The following DDAH1 variants were observed in gnomAD, a reference collection of about 807,000 sequenced individuals.
DDAH1 encodes dimethylarginine dimethylaminohydrolase 1.
A neutral mutation model predicts 28.8 loss-of-function variants in DDAH1; 19 were observed. The ratio of observed to expected loss-of-function variants is 0.66; its 90% CI spans 0.46 to 0.97. The LOEUF is 0.97. Among genes scored for constraint, DDAH1 ranks in the 50% least tolerant of loss-of-function variants. DDAH1 has a pLI of 0.00. For synonymous variants in DDAH1, 153 were observed against 154.4 expected (o/e 0.99, Z 0.07); for missense variants, 326 against 375.9 (o/e 0.87, Z 1.10).
At chr1:85,342,433 A>G (rs1179014202) in intron 4 of DDAH1, among the ~76,000 whole-genome samples, 2 of 151,750 alleles carry the variant, frequency 1.3e-5, no homozygotes, top group African/African-American at 4.8e-5. Context: ...AGGTATGGGA[A>G]TATGAGTCAA....
At chr1:85,465,232 G>T, upstream of DDAH1, 1 of 1,105,906 alleles carries the variant, frequency 9.0e-7, no homozygotes, top group Non-Finnish European at 1.1e-6. Context: ...TCCGGGCGCC[G>T]GCCCGCGCGC....
chr1:85,436,899 A>G (rs570422055), intron 1 of DDAH1, among the ~76,000 whole-genome samples: 11 of 152,228 alleles, frequency 7.2e-5, no homozygotes, highest in Non-Finnish European at 1.5e-4. Flanking sequence ...ACACTACTCA[A>G]GCAAGGTTCA....
chr1:85,451,508 G>A (rs1654668941), intron 1 of DDAH1, among the ~76,000 whole-genome samples: 1 of 152,138 alleles, frequency 6.6e-6, no homozygotes, highest in Non-Finnish European at 1.5e-5. Flanking sequence ...TGCTGTACTT[G>A]CTCAAGGCCA....
intron 2 of DDAH1, among the ~76,000 whole-genome samples, chr1:85,487,845 G>A (rs1234000318): frequency 6.6e-6 from 1 of 151,878 alleles, no homozygotes; most frequent in Non-Finnish European, 1.5e-5. Context: ...GTACACATTG[G>A]CACTTTGCAG....
chr1:85,514,703 T>C (rs1253710762), intron 1 of DDAH1, among the ~76,000 whole-genome samples: 1 of 151,798 alleles, frequency 6.6e-6, no homozygotes, highest in Non-Finnish European at 1.5e-5. Flanking sequence ...TTCAATGTTT[T>C]GCAATCAATA....
chr1:85,533,724 C>T lies in DDAH1; in HGVS notation c.-122-37443G>A, dbSNP rs1658172045. On this transcript the variant is annotated intron_variant, in intron 1 of 6. Coordinates refer to the DDAH1 transcript ENST00000426972. ...CACTAATTAGATATGTGACCTAGTGCAAGATACCTATTCTGCCCTACTTGG... is the reference window on the plus strand; with the variant it reads ...CACTAATTAGATATGTGACCTAGTGTAAGATACCTATTCTGCCCTACTTGG... Among the ~76,000 whole-genome samples the T allele has an allele frequency of 4.6e-5, 7 of 152,156 alleles. No homozygotes were observed. In the South Asian group the frequency reaches 1.5e-3, roughly 32 times the overall value.
chr1:85,363,098 T>C (rs1238255694), intron 1 of DDAH1, among the ~76,000 whole-genome samples: 8 of 152,264 alleles, frequency 5.3e-5, no homozygotes, highest in African/African-American at 7.2e-5. Flanking sequence ...TATTTTCCAG[T>C]TGACCCTTTC....
intron 1 of DDAH1, among the ~76,000 whole-genome samples, chr1:85,539,352 G>T (rs1404661357): frequency 3.3e-5 from 5 of 152,094 alleles, no homozygotes; most frequent in African/African-American, 1.2e-4. Context: ...TCACCATGTT[G>T]GCCAGGCTGG....
intron 2 of DDAH1, among the ~76,000 whole-genome samples, chr1:85,491,931 A>C (rs959047745): frequency 6.6e-6 from 1 of 152,180 alleles, no homozygotes; most frequent in Admixed American, 6.5e-5. Flanking sequence ...CAGTTTCCTA[A>C]TTTATAAAAT....
chr1:85,456,702 G>C (rs1003508422), intron 1 of DDAH1, among the ~76,000 whole-genome samples: 1 of 152,136 alleles, frequency 6.6e-6, no homozygotes, highest in African/African-American at 2.4e-5. Flanking sequence ...CGTTTATCCG[G>C]ATGTAATTCC....
At chr1:85,491,744 A>T (rs191230742) in intron 2 of DDAH1, among the ~76,000 whole-genome samples, 211 of 152,252 alleles carry the variant, frequency 1.4e-3, no homozygotes, top group African/African-American at 4.8e-3. Flanking sequence ...CCCAATAAAC[A>T]TATATTGGTT....
intron 2 of DDAH1, among the ~76,000 whole-genome samples, chr1:85,480,194 T>C (rs1290500143): frequency 1.3e-5 from 2 of 152,172 alleles, no homozygotes; most frequent in East Asian, 3.8e-4. Flanking sequence ...CACACACTGT[T>C]AGCAGTTCCC....
chr1:85,550,865 A>G (rs749039250), intron 1 of DDAH1, among the ~76,000 whole-genome samples: 40 of 152,204 alleles, frequency 2.6e-4, no homozygotes, highest in Non-Finnish European at 4.9e-4. Context: ...AGCAGCAACA[A>G]CTTGCTAGCA....
rs1327412814 is a variant in DDAH1, at chr1:85,464,733, C to G, written c.303+10G>C. 3 of 1,507,238 alleles carry G rather than the reference C, an allele frequency of 2.0e-6. No individual in the cohort carries two copies. Among genetic ancestry groups the G allele is most frequent in the Non-Finnish European group, 1.8e-6 (2 of 1,135,618 alleles). The allele number at this position is 1,507,238 out of a possible 1,614,324, so 93.4% of individuals were successfully genotyped here. On this transcript the variant is annotated intron_variant, in intron 1 of 5. Coordinates refer to ENST00000284031, the MANE Select transcript of DDAH1 (RefSeq NM_012137.4). This position sits in a 1 kb window ranked among gnomAD's most constrained non-coding sequence, Gnocchi z 4.4. The stretch of plus-strand genomic sequence containing the variant: ...CGCGCCCCGGCCGCGCCCCTCGAGT[C>G]GGCAGTTACCTCCTTCCTCCGGCTC...
At chr1:85,336,812 C>T (rs1648159385) in intron 4 of DDAH1, among the ~76,000 whole-genome samples, 1 of 151,332 alleles carries the variant, frequency 6.6e-6, no homozygotes, top group African/African-American at 2.4e-5. Context: ...AGAATGGATC[C>T]AAATAAGAGG....
At chr1:85,564,955 G>A (rs999687452) in intron 1 of DDAH1, among the ~76,000 whole-genome samples, 5 of 152,042 alleles carry the variant, frequency 3.3e-5, no homozygotes, top group Non-Finnish European at 1.5e-5. Flanking sequence ...CCAGCACTTT[G>A]GGAGGCCAAG....
At chr1:85,470,721 G>A (rs1471713227) in intron 2 of DDAH1, among the ~76,000 whole-genome samples, 3 of 152,168 alleles carry the variant, frequency 2.0e-5, no homozygotes, top group East Asian at 3.9e-4. Context: ...GGTTGAATGG[G>A]CAGGCAGTGA....
At chr1:85,503,565 CT>C (rs1656903143) in intron 1 of DDAH1, among the ~76,000 whole-genome samples, 3 of 151,916 alleles carry the variant, frequency 2.0e-5, no homozygotes, top group Non-Finnish European at 2.9e-5. Flanking sequence ...ATCTATCTAT[CT>C]ATCCATCTAT....
chr1:85,377,405 G>C (rs1272026589), intron 1 of DDAH1, among the ~76,000 whole-genome samples: 5 of 151,796 alleles, frequency 3.3e-5, no homozygotes, highest in Admixed American at 6.6e-5. Context: ...TTTCATATTG[G>C]CTGGGATTTC....
Sources: allele counts gnomAD v4.1 joint callset (sites outside exome capture counted in the v4.1 genomes callset), GRCh38; gene constraint gnomAD v4.1.1; non-coding constraint Gnocchi (gnomAD v3.1); transcripts MANE v1.5; gene names NCBI Gene and HGNC (gene_info 2026-07-23, HGNC 2026-07-21).